The following ZFHX4 variants were observed in gnomAD, a reference collection of about 807,000 sequenced individuals.
The protein encoded by ZFHX4 is zinc finger homeobox protein 4.
ZFHX4 carries 56 observed loss-of-function variants against 267.6 expected under a neutral mutation model. The observed-to-expected ratio is 0.21, with a 90% CI of 0.17 to 0.26. ZFHX4 has a LOEUF of 0.26. Among genes scored for constraint, ZFHX4 ranks in the 10% least tolerant of loss-of-function variants. ZFHX4 has a pLI of 1.00. For synonymous variants in ZFHX4, 1,778 were observed against 1,665.6 expected (o/e 1.07, Z -1.64); for missense variants, 4,332 against 4,420.0 (o/e 0.98, Z 0.56).
At chr8:76,809,864 C>T (rs1033002616) in intron 4 of ZFHX4, among the ~76,000 whole-genome samples, 8 of 152,202 alleles carry the variant, frequency 5.3e-5, no homozygotes, top group Admixed American at 1.3e-4. Context: ...AGTTAACTTA[C>T]GGTCTTACGT....
In ZFHX4 at chr8:76,865,643, A is replaced by T. The variant is rs946166656; in HGVS notation, c.*1078A>T. The T allele has an allele frequency of 6.6e-6, 1 of 152,618 alleles. No homozygotes were observed. The highest frequency in any genetic ancestry group is 2.4e-5 in the African/African-American group (1 of 41,446). The allele number at this position is 152,618 out of a possible 1,614,324, so 9.5% of individuals were successfully genotyped here. On this transcript the variant is annotated 3_prime_UTR_variant, in exon 11 of 11. Transcript: ENST00000651372. The stretch of plus-strand genomic sequence containing the variant: ...GTATACTTGAAACTGTTTAAGTACA[A>T]GTTGAACAAAAATTATGAAAAGGTA...
At position 76,778,120 on chromosome 8, in the gene ZFHX4, G is replaced by A. The variant is rs1810447556; in HGVS notation, c.3094-88G>A. On this transcript the variant is annotated intron_variant, in intron 3 of 10. Transcript: ENST00000651372. ...GCATTTGAGCATCTGTGTAACCAATGTTTATCATGCCATGGGTGGGTGTCA... is the reference window on the plus strand; with the variant it reads ...GCATTTGAGCATCTGTGTAACCAATATTTATCATGCCATGGGTGGGTGTCA... 8.2e-6 allele frequency: 7 copies of A among 856,036 alleles called. No homozygotes were observed. In the East Asian group the frequency reaches 1.2e-4, roughly 15 times the overall value. The allele number at this position is 856,036 out of a possible 1,614,324, so 53.0% of individuals were successfully genotyped here. A position where few individuals can be genotyped will look rare whatever the true frequency, so the allele number is the denominator to read the frequency against.
At chr8:76,787,643 A>G (rs1810727406) in intron 4 of ZFHX4, among the ~76,000 whole-genome samples, 1 of 149,500 alleles carries the variant, frequency 6.7e-6, no homozygotes, top group African/African-American at 2.4e-5. Flanking sequence ...TCCACTAAAA[A>G]AAAAAAAAAA....
intron 3 of ZFHX4, among the ~76,000 whole-genome samples, chr8:76,735,715 AT>A (rs1563491797): frequency 6.6e-6 from 1 of 152,118 alleles, no homozygotes; most frequent in African/African-American, 2.4e-5. Context: ...TTAGCTGCCC[AT>A]TTGCAGACAA....
chr8:76,839,910 T>C (rs1812190226), intron 5 of ZFHX4, among the ~76,000 whole-genome samples: 1 of 152,202 alleles, frequency 6.6e-6, no homozygotes, highest in Non-Finnish European at 1.5e-5. Flanking sequence ...TCCACATTCA[T>C]ACTCTTGACT....
chr8:76,854,462 T>G lies in ZFHX4; in HGVS notation c.7541T>G (p.Met2514Arg). The change falls in exon 10 of 11, where the codon ATG becomes AGG. Residue 2514 changes from methionine to arginine, a missense_variant. Met to Arg is a moderately conservative substitution (Grantham distance 91, BLOSUM62 -1). This residue lies in a region of ZFHX4 where 1,648 missense variants were observed against 1,625.0 expected (regional missense o/e 1.01). Coordinates refer to ENST00000651372, the MANE Select transcript of ZFHX4 (RefSeq NM_024721.5). ...GAACTCTGGCAGGAACACCAGCACA[T>G]GCACTTCCTTGCTGCTCAAAACCAA... ...TLELWQEHQH[M>R]HFLAAQNQFL... is the part of the protein sequence containing the mutation. 1.9e-6 allele frequency: 3 copies of G among 1,613,972 alleles called. No homozygotes were observed. Among genetic ancestry groups the G allele is most frequent in the Non-Finnish European group, 2.5e-6 (3 of 1,179,878 alleles).
chr8:76,779,088 G>A (rs910233280), intron 4 of ZFHX4, among the ~76,000 whole-genome samples: 13 of 152,098 alleles, frequency 8.5e-5, no homozygotes, highest in Non-Finnish European at 1.9e-4. Flanking sequence ...ACAGATGGTC[G>A]TGAGCTAAAA....
At chr8:76,749,605 A>G (rs1809562102) in intron 3 of ZFHX4, among the ~76,000 whole-genome samples, 1 of 152,178 alleles carries the variant, frequency 6.6e-6, no homozygotes, top group Non-Finnish European at 1.5e-5. Flanking sequence ...TGGGCCAGAC[A>G]TTTCTTTAGC....
At position 76,854,605 on chromosome 8, in the gene ZFHX4, C is replaced by A; in HGVS notation, c.7684C>A (p.Gln2562Lys). The change falls in exon 10 of 11, where the codon CAG becomes AAG. Residue 2562 changes from glutamine to lysine, a missense_variant. Gln to Lys is a moderately conservative substitution (Grantham distance 53). Transcript: ENST00000651372. ...CAGTTCCCTCACTCAAATGCCCCCT[C>A]AGGCCAGTTCCTCCCACACCACAGC... is the stretch of plus-strand genomic sequence containing the variant. ...LGSSLTQMPPQASSSHTTAPT... is the reference protein window; with the variant it reads ...LGSSLTQMPPKASSSHTTAPT... 1 of 1,613,776 alleles carries A rather than the reference C, an allele frequency of 6.2e-7. No homozygotes were observed.
At chr8:76,713,069 A>G (rs753189437) in intron 3 of ZFHX4, among the ~76,000 whole-genome samples, 36 of 152,330 alleles carry the variant, frequency 2.4e-4, no homozygotes, top group East Asian at 1.9e-4. Flanking sequence ...GGCCAGCCCT[A>G]TCAACTATGT....
intron 3 of ZFHX4, among the ~76,000 whole-genome samples, chr8:76,752,298 G>A: frequency 6.6e-6 from 1 of 151,132 alleles, no homozygotes; most frequent in Admixed American, 6.6e-5. Flanking sequence ...TCTAAAGTAT[G>A]TTTTTTAAAA....
Position 76,719,399 on chromosome 8 carries a change from A to G in ZFHX4, c.3093+11351A>G, listed in dbSNP as rs79549958. 8.9e-3 allele frequency among the ~76,000 whole-genome samples: 1,355 copies of G among 152,154 alleles called. 18 individuals carry two copies. The highest frequency in any genetic ancestry group is 0.031 in the African/African-American group (1,271 of 41,512). ...AGACTCGTCAAGAAGCACTGAAATC[A>G]GTTCTGTATGTACACATGACTAATC... On this transcript the variant is annotated intron_variant, in intron 3 of 10. Transcript: ENST00000651372.
chr8:76,855,504 T>G lies in ZFHX4; in HGVS notation c.8583T>G (p.Asp2861Glu). The G allele has an allele frequency of 1.9e-6, 3 of 1,613,780 alleles. No individual in the cohort carries two copies. Among genetic ancestry groups the G allele is most frequent in the Non-Finnish European group, 2.5e-6 (3 of 1,179,844 alleles). Residue 2861 changes from aspartate (D) to glutamate (E), a missense_variant, in exon 10 of 11, where the codon GAT becomes GAG. Around this residue, in one of 7 missense-constraint regions of ZFHX4, gnomAD observed 1,648 missense variants for 1,625.0 expected, o/e 1.01. Coordinates refer to ENST00000651372, the MANE Select transcript of ZFHX4 (RefSeq NM_024721.5). ...CCACACCTACCACGGAGGTCTGCGA[T>G]GACAAATTTCTCTTTTCTCTCACAA... The part of the protein sequence containing the change: ...PATTPTTEVC[D>E]DKFLFSLTSP...
intron 4 of ZFHX4, among the ~76,000 whole-genome samples, chr8:76,805,382 C>T (rs1811219836): frequency 2.0e-5 from 3 of 152,070 alleles, no homozygotes; most frequent in Admixed American, 1.3e-4. Flanking sequence ...GAAATCAGAT[C>T]ATAAAGGACT....
chr8:76,750,822 A>G (rs1034816122), intron 3 of ZFHX4, among the ~76,000 whole-genome samples: 1 of 152,164 alleles, frequency 6.6e-6, no homozygotes, highest in Non-Finnish European at 1.5e-5. Flanking sequence ...CTCTTTTACT[A>G]TAACGACTCA....
At chr8:76,706,767 AACAAATTGAGG>A (rs1808287543) in intron 2 of ZFHX4, 89 bp downstream of exon 2, 1 of 1,367,552 alleles carries the variant, frequency 7.3e-7, no homozygotes, top group Admixed American at 2.9e-5. Flanking sequence ...GGTGAGTGCC[AACAAATTGAGG>A]ACAGCTTACT....
chr8:76,685,449 A>C (rs1482630978), intron 1 of ZFHX4, among the ~76,000 whole-genome samples: 1 of 152,226 alleles, frequency 6.6e-6, no homozygotes, highest in East Asian at 1.9e-4. Context: ...ATAAAGACTA[A>C]AGACATCCTA....
At chr8:76,743,605 C>T (rs1372553914) in intron 3 of ZFHX4, among the ~76,000 whole-genome samples, 1 of 152,084 alleles carries the variant, frequency 6.6e-6, no homozygotes, top group Admixed American at 6.5e-5. Context: ...TAAGTCACAG[C>T]CTATTTTAAC....
rs1479793090 is a variant in ZFHX4, at chr8:76,849,136, CT to C, written c.3645+15del. ...AAATTCTGTCATGAACAGGTAAATACTTTTTTTCCCCTTTACTGTGTAAATC... is the reference window on the plus strand; with the variant it reads ...AAATTCTGTCATGAACAGGTAAATACTTTTTTCCCCTTTACTGTGTAAATC... On this transcript the variant is annotated intron_variant, in intron 7 of 10. Transcript: ENST00000651372. 44 of 1,542,842 alleles carry C rather than the reference CT, an allele frequency of 2.9e-5. No homozygotes were observed. The highest frequency in any genetic ancestry group is 7.3e-5 in the East Asian group (3 of 40,910).
Sources: allele counts gnomAD v4.1 joint callset (sites outside exome capture counted in the v4.1 genomes callset), GRCh38; gene constraint gnomAD v4.1.1; regional missense constraint gnomAD v4.1.1; transcripts MANE v1.5; gene names NCBI Gene and HGNC (gene_info 2026-07-23, HGNC 2026-07-21).